The following PINLYP variants were observed in gnomAD, a reference collection of about 807,000 sequenced individuals.
PINLYP encodes the protein phospholipase A2 inhibitor and Ly6/PLAUR domain-containing protein.
Under a neutral mutation model 15.8 loss-of-function variants are expected in PINLYP, and 12 were observed. The observed-to-expected ratio is 0.76, with a 90% confidence interval of 0.49 to 1.23. The LOEUF (loss-of-function observed/expected upper bound fraction) is 1.23. Among genes scored for constraint, PINLYP ranks in the 50% most tolerant of loss-of-function variants. The pLI, the probability that PINLYP is intolerant of heterozygous loss-of-function variation, is 0.00. For synonymous variants in PINLYP, 93 were observed against 97.7 expected, an observed-to-expected ratio of 0.95 and a Z score of 0.28; for missense variants, 278 against 264.2, an observed-to-expected ratio of 1.05 and a Z score of -0.36.
At chr19:43,581,166 A>G (rs747148528) in intron 3 of PINLYP, 46 bp from the exon 4 acceptor site, 8 of 1,524,306 alleles carry the variant, frequency 5.2e-6, no homozygotes, top group South Asian at 3.6e-5. Context: ...GGTTGAAGCC[A>G]GGGAGTGGTC....
exon 5 of PINLYP, chr19:43,581,664 G>C: frequency 6.5e-7 from 1 of 1,536,462 alleles, no homozygotes; most frequent in Non-Finnish European, 8.7e-7. Context: ...TACTGGAAAG[G>C]AAAACCACTG....
chr19:43,577,449 G>C (rs3810378), intron 2 of PINLYP, among the ~76,000 whole-genome samples, 188 bp downstream of exon 2: 43,806 of 151,960 alleles, frequency 0.29, 6,817 homozygotes, highest in Non-Finnish European at 0.35. Flanking sequence ...GGGGGTCCCA[G>C]AGAAGAAAAG....
intron 3 of PINLYP, chr19:43,580,603 C>CA (rs1194314373): frequency 1.1e-6 from 1 of 898,032 alleles, no homozygotes; most frequent in Non-Finnish European, 1.3e-6. Flanking sequence ...CCCGGAAGGA[C>CA]AGGGAGAGAG....
intron 3 of PINLYP, chr19:43,580,598 A>G (rs2082983491): frequency 2.1e-6 from 2 of 956,592 alleles, no homozygotes; most frequent in African/African-American, 1.9e-5. Flanking sequence ...GTAATCCCGG[A>G]AGGACAGGGA....
intron 2 of PINLYP, 78 bp from the exon 3 acceptor site, chr19:43,578,512 C>A: frequency 1.9e-6 from 2 of 1,072,676 alleles, no homozygotes; most frequent in Non-Finnish European, 2.7e-6. Flanking sequence ...TCTCAGGACA[C>A]AAAAGTCCTA....
At chr19:43,581,407 T>C (rs928528615) in intron 4 of PINLYP, 43 bp downstream of exon 4, 10 of 1,533,168 alleles carry the variant, frequency 6.5e-6, no homozygotes, top group Admixed American at 5.9e-5. Flanking sequence ...GGCTCTCCAC[T>C]GACCCTTGCT....
upstream of PINLYP, chr19:43,575,735 C>T (rs940696673): frequency 2.8e-6 from 1 of 361,572 alleles, no homozygotes; most frequent in African/African-American, 2.1e-5. Flanking sequence ...GCTCTAGCCT[C>T]GCCTCCCAAT....
chr19:43,581,658 G>A, exon 5 of PINLYP: 1 of 1,536,422 alleles, frequency 6.5e-7, no homozygotes, highest in Non-Finnish European at 8.7e-7. Context: ...CCACTGTACT[G>A]GAAAGGAAAA....
At chr19:43,576,965 G>A in intron 1 of PINLYP, 46 bp downstream of exon 1, 1 of 626,480 alleles carries the variant, frequency 1.6e-6, no homozygotes, top group Non-Finnish European at 2.6e-6. Flanking sequence ...TAGAAGAGGG[G>A]GATGGAAGCC....
chr19:43,580,325 G>A (rs1180562846), intron 3 of PINLYP: 1 of 159,964 alleles, frequency 6.3e-6, no homozygotes, highest in Admixed American at 6.5e-5. Flanking sequence ...ACCACCACAT[G>A]GTGGGGAGGG....
At chr19:43,576,100 G>A (rs1972859365) in exon 1 of PINLYP, 2 of 152,116 alleles carry the variant, frequency 1.3e-5, no homozygotes, top group East Asian at 3.9e-4. Flanking sequence ...CATGGGGTGA[G>A]AGGGCGGCGG....
exon 2 of PINLYP, chr19:43,577,261 G>C: frequency 1.3e-6 from 2 of 1,535,654 alleles, no homozygotes; most frequent in Non-Finnish European, 1.7e-6. Flanking sequence ...CCTGGGTCTT[G>C]GTAAGTGACA....
exon 6 of PINLYP, chr19:43,581,923 T>C: frequency 6.5e-7 from 1 of 1,536,624 alleles, no homozygotes; most frequent in Non-Finnish European, 8.7e-7. Flanking sequence ...GTATGTGCTT[T>C]ACCAAGCCTG....
At chr19:43,577,061 C>G in intron 1 of PINLYP, 54 bp from the exon 2 acceptor site, 1 of 1,493,398 alleles carries the variant, frequency 6.7e-7, no homozygotes, top group South Asian at 1.3e-5. Context: ...CTTCCCAACC[C>G]GGAGGCCACA....
chr19:43,579,447 A>G (rs1972904061), intron 3 of PINLYP, among the ~76,000 whole-genome samples: 1 of 151,336 alleles, frequency 6.6e-6, no homozygotes, highest in African/African-American at 2.4e-5. Context: ...GGGTTTCGCC[A>G]TGTTGGCCAG....
intron 3 of PINLYP, chr19:43,579,006 T>C (rs560048972): frequency 6.6e-6 from 2 of 304,550 alleles, no homozygotes; most frequent in Admixed American, 4.5e-5. Context: ...GGAAAGACAC[T>C]GTGGGGGGCA....
chr19:43,575,615 C>T, upstream of PINLYP: 2 of 616,432 alleles, frequency 3.2e-6, no homozygotes, highest in Non-Finnish European at 2.7e-6. Context: ...CCGGCGCCGG[C>T]GTCGACACTG....
exon 1 of PINLYP, chr19:43,576,869 C>T (rs1665927030): frequency 3.0e-6 from 1 of 333,888 alleles, no homozygotes; most frequent in Non-Finnish European, 5.5e-6. Context: ...AGAGGCCCAA[C>T]TCCGTCTTGG....
At chr19:43,581,909 G>C (rs1339496983) in exon 6 of PINLYP, 5 of 1,536,580 alleles carry the variant, frequency 3.3e-6, no homozygotes, top group Non-Finnish European at 4.4e-6. Flanking sequence ...CTGTGCTACA[G>C]AGAGTATGTG....
Sources: gnomAD v4.1 joint callset for allele counts (sites outside exome capture counted in the v4.1 genomes callset) on GRCh38, gnomAD v4.1.1 for gene constraint, MANE v1.5 for transcripts, NCBI Gene and HGNC (gene_info 2026-07-23, HGNC 2026-07-21) for gene names.